RIOK2: variants seen among roughly 807,000 people sequenced by gnomAD.
The protein encoded by RIOK2 is RIO kinase 2.
A neutral mutation model predicts 62.4 loss-of-function variants in RIOK2; 46 were observed. The observed-to-expected ratio is 0.74, with a 90% confidence interval of 0.58 to 0.94. RIOK2 has a LOEUF of 0.94. Among genes scored for constraint, RIOK2 ranks in the 40% least tolerant of loss-of-function variants. The pLI is 0.00. For synonymous variants in RIOK2, 197 were observed against 216.0 expected (o/e 0.91, Z 0.77); for missense variants, 574 against 658.0 (o/e 0.87, Z 1.40).
At chr5:97,181,270 C>CAA (rs149948595) in intron 1 of RIOK2, among the ~76,000 whole-genome samples, 11,379 of 90,290 alleles carry the variant, frequency 0.13, 881 homozygotes, top group African/African-American at 0.23. Context: ...GACTCCGTCT[C>CAA]AAAAAAAAAA....
In RIOK2 at chr5:97,183,143, A is replaced by G. The variant is rs756857340; in HGVS notation, c.49T>C (p.Phe17Leu). 1 of 1,614,104 alleles carries G rather than the reference A, an allele frequency of 6.2e-7. No individual in the cohort carries two copies. Among genetic ancestry groups the G allele is most frequent in the East Asian group, 2.2e-5 (1 of 44,870 alleles). ...TTTCTTACCGCGGTCAAGACCCTGA[A>G]GTCATCTCGGCTCATGTAACGCAAC... ...AKLRYMSRDD[F>L]RVLTAVEMGM... Residue 17 changes from phenylalanine (F) to leucine (L), a missense_variant, in exon 1 of 10, where the codon TTC (phenylalanine) becomes CTC (leucine). Transcript: ENST00000283109.
At chr5:97,176,437 G>T (rs1305075308) in intron 4 of RIOK2, among the ~76,000 whole-genome samples, 3 of 152,152 alleles carry the variant, frequency 2.0e-5, no homozygotes, top group Non-Finnish European at 4.4e-5. Context: ...TGCTTCCTGG[G>T]TTCAAGTGAT....
At chr5:97,180,705 C>G (rs116452152) in intron 1 of RIOK2, among the ~76,000 whole-genome samples, 3 of 151,864 alleles carry the variant, frequency 2.0e-5, no homozygotes, top group African/African-American at 7.3e-5. Flanking sequence ...AGAACTAAGA[C>G]AGAAGTCCAG....
chr5:97,174,505 C>G (rs923007894), intron 4 of RIOK2, among the ~76,000 whole-genome samples: 1 of 152,212 alleles, frequency 6.6e-6, no homozygotes, highest in East Asian at 1.9e-4. Context: ...ACTCTTTAAT[C>G]CACCTGTACA....
chr5:97,169,151 A>T (rs1449379570), intron 6 of RIOK2, among the ~76,000 whole-genome samples: 1 of 152,118 alleles, frequency 6.6e-6, no homozygotes, highest in African/African-American at 2.4e-5. Flanking sequence ...ATGAATGTGA[A>T]CCCCAGGAAA....
intron 5 of RIOK2, 45 bp from the exon 6 acceptor site, chr5:97,171,442 A>G (rs1749006574): frequency 7.4e-7 from 1 of 1,358,722 alleles, no homozygotes; most frequent in African/African-American, 1.5e-5. Context: ...GTGTTCATTT[A>G]CGGTTTTAAC....
Position 97,163,222 on chromosome 5 carries a change from GT to G in RIOK2, c.1497del (p.Glu499AspfsTer3). Reference protein sequence around the residue: ...SAVSCSTIPPELVKQKVKRQL... With the variant: ...SAVSCSTIPPXLVKQKVKRQL... ...TGACGTTTCACCTTCTGTTTCACCAGTTCCTGGAAAGATTTCATAAATTAGT... is the reference window on the plus strand; with the variant it reads ...TGACGTTTCACCTTCTGTTTCACCAGTCCTGGAAAGATTTCATAAATTAGT... On this transcript the variant is annotated frameshift_variant and splice_region_variant, in exon 10 of 10. Coordinates refer to ENST00000283109, the MANE Select transcript of RIOK2 (RefSeq NM_018343.3). LOFTEE classifies it high-confidence loss of function. 1 of 1,612,572 alleles carries G rather than the reference GT, an allele frequency of 6.2e-7. No individual in the cohort carries two copies. Among genetic ancestry groups the G allele is most frequent in the Non-Finnish European group, 8.5e-7 (1 of 1,179,462 alleles).
intron 8 of RIOK2, chr5:97,166,947 T>G (rs1050147745): frequency 4.5e-6 from 4 of 898,594 alleles, no homozygotes; most frequent in Non-Finnish European, 5.3e-6. Flanking sequence ...CGGAGTTTTT[T>G]GCTCGTCACC....
chr5:97,167,135 T>A, intron 8 of RIOK2: 1 of 938,910 alleles, frequency 1.1e-6, no homozygotes, highest in Non-Finnish European at 1.3e-6. Context: ...CTGGCTGGTC[T>A]CAAACTCCTG....
intron 1 of RIOK2, among the ~76,000 whole-genome samples, chr5:97,179,796 A>G (rs1438689955): frequency 2.6e-5 from 2 of 76,976 alleles, no homozygotes; most frequent in Admixed American, 2.0e-4. Flanking sequence ...GGAACATCAC[A>G]CACTGGGGCC....
intron 4 of RIOK2, among the ~76,000 whole-genome samples, chr5:97,175,142 G>A (rs1450131021): frequency 1.3e-5 from 2 of 152,082 alleles, no homozygotes; most frequent in African/African-American, 4.8e-5. Context: ...GATCGTACTG[G>A]TTATTTCTTT....
At chr5:97,176,217 A>G (rs546987663) in intron 4 of RIOK2, 5 of 152,350 alleles carry the variant, frequency 3.3e-5, no homozygotes, top group African/African-American at 1.2e-4. Flanking sequence ...TCCTGAGTAC[A>G]ATACATTTTG....
chr5:97,181,110 A>G (rs1364284405), intron 1 of RIOK2, among the ~76,000 whole-genome samples: 1 of 151,948 alleles, frequency 6.6e-6, no homozygotes, highest in South Asian at 2.1e-4. Flanking sequence ...CATCTCTACT[A>G]AAAATACAAA....
rs1480067814 is a variant in RIOK2, at chr5:97,179,992, AAT to A, written c.67-801_67-800del. Among the ~76,000 whole-genome samples the A allele has an allele frequency of 4.2e-3, 138 of 32,516 alleles. 11 individuals are homozygous for A. The highest frequency in any genetic ancestry group is 0.014 in the Middle Eastern group (1 of 70). The allele number at this position is 32,516 out of a possible 152,430, so 21.3% of individuals were successfully genotyped here. On this transcript the variant is annotated intron_variant, in intron 1 of 9. Coordinates refer to ENST00000283109, the MANE Select transcript of RIOK2 (RefSeq NM_018343.3). ...ATATATATATAATATATATATATAA[AAT>A]ATATATATATTATATATATATAATA...
Position 97,167,579 on chromosome 5 carries a change from G to T in RIOK2, c.1285C>A (p.Gln429Lys). 1.2e-6 allele frequency: 2 copies of T among 1,614,144 alleles called. No homozygotes were observed. The highest frequency in any genetic ancestry group is 4.5e-5 in the East Asian group (2 of 44,880). Reference sequence around the variant, plus strand: ...CCTCCTTGAACTCTCTGACCATCTTGCCTGTTGTAATTTTCAGTTCTGTTT... The same window carrying T: ...CCTCCTTGAACTCTCTGACCATCTTTCCTGTTGTAATTTTCAGTTCTGTTT... ...EKNRTENYNRQDGQRVQGGVP... is the reference protein window; with the variant it reads ...EKNRTENYNRKDGQRVQGGVP... Residue 429 changes from glutamine to lysine, a missense_variant, in exon 8 of 10, where the codon CAA becomes AAA. Coordinates refer to ENST00000283109, the MANE Select transcript of RIOK2 (RefSeq NM_018343.3).
At chr5:97,181,651 C>G (rs189328770) in intron 1 of RIOK2, among the ~76,000 whole-genome samples, 134 of 152,212 alleles carry the variant, frequency 8.8e-4, no homozygotes, top group Non-Finnish European at 1.4e-3. Context: ...AATATTGCAG[C>G]GCCAATGTTT....
At chr5:97,178,021 T>C (rs1013750812) in intron 2 of RIOK2, among the ~76,000 whole-genome samples, 173 bp from the exon 3 acceptor site, 1 of 152,244 alleles carries the variant, frequency 6.6e-6, no homozygotes, top group Non-Finnish European at 1.5e-5. Flanking sequence ...TTCTCCAGTG[T>C]ACTGATAATC....
intron 1 of RIOK2, among the ~76,000 whole-genome samples, chr5:97,179,799 C>A (rs183210219): frequency 0.013 from 596 of 44,670 alleles, 3 homozygotes; most frequent in Middle Eastern, 0.068. Flanking sequence ...ACATCACACA[C>A]TGGGGCCTGT....
intron 1 of RIOK2, among the ~76,000 whole-genome samples, chr5:97,181,882 A>G (rs1749423745): frequency 6.6e-6 from 1 of 152,228 alleles, no homozygotes; most frequent in East Asian, 1.9e-4. Context: ...AGTCCAGCTG[A>G]TTAGAAGAAT....
Sources: allele counts gnomAD v4.1 joint callset (sites outside exome capture counted in the v4.1 genomes callset), GRCh38; gene constraint gnomAD v4.1.1; transcripts MANE v1.5; gene names NCBI Gene and HGNC (gene_info 2026-07-23, HGNC 2026-07-21).